CHSY3: variants seen among roughly 807,000 people sequenced by gnomAD.
The protein encoded by CHSY3 is N-acetylgalactosaminyl-proteoglycan 3-beta-glucuronosyltransferase 3.
A neutral mutation model predicts 67.2 loss-of-function variants in CHSY3; 35 were observed. The observed-to-expected ratio is 0.52, with a 90% CI of 0.40 to 0.69. CHSY3 has a LOEUF of 0.69. CHSY3 is among the 30% of genes least tolerant of loss of function. The probability of loss-of-function intolerance (pLI) is 0.00; values close to 1 mark genes in which losing one functional copy is unlikely to be tolerated. For synonymous variants in CHSY3, 474 were observed against 434.7 expected (o/e 1.09, Z -1.12); for missense variants, 1,069 against 1,138.5 (o/e 0.94, Z 0.88).
At chr5:130,148,043 G>A (rs1354049032) in intron 2 of CHSY3, among the ~76,000 whole-genome samples, 1 of 151,914 alleles carries the variant, frequency 6.6e-6, no homozygotes, top group South Asian at 2.1e-4. Context: ...TTCCCTTTAT[G>A]TGTATATGTG....
At chr5:130,099,087 A>C (rs1468303280) in intron 2 of CHSY3, among the ~76,000 whole-genome samples, 1 of 152,198 alleles carries the variant, frequency 6.6e-6, no homozygotes, top group East Asian at 1.9e-4. Context: ...CATATTGGTA[A>C]ATCAACACAT....
chr5:130,180,476 C>T (rs903064101), intron 2 of CHSY3, among the ~76,000 whole-genome samples: 2 of 152,078 alleles, frequency 1.3e-5, no homozygotes, highest in Admixed American at 1.3e-4. Context: ...TTTTCCATTG[C>T]TCCAAAAGTT....
chr5:129,912,721 C>A (rs1418765324), intron 2 of CHSY3, among the ~76,000 whole-genome samples: 1 of 152,170 alleles, frequency 6.6e-6, no homozygotes, highest in South Asian at 2.1e-4. Flanking sequence ...CAGTAGATCA[C>A]AGTTAGGCCT....
At chr5:129,911,884 G>A (rs1301293878) in intron 2 of CHSY3, among the ~76,000 whole-genome samples, 9 of 152,012 alleles carry the variant, frequency 5.9e-5, no homozygotes, top group South Asian at 2.1e-4. Flanking sequence ...GTGAAACCCC[G>A]TCTCTACTAA....
At chr5:130,061,103 A>G (rs1236463331) in intron 2 of CHSY3, among the ~76,000 whole-genome samples, 4 of 152,138 alleles carry the variant, frequency 2.6e-5, no homozygotes, top group Non-Finnish European at 5.9e-5. Flanking sequence ...TGAATAGCCA[A>G]AGCAATCCTA....
In CHSY3 at chr5:129,905,335, C is replaced by A. The variant is rs753174353; in HGVS notation, c.506C>A (p.Pro169His). The change falls in exon 1 of 3, where the codon CCC becomes CAC. Residue 169 changes from proline to histidine, a missense_variant. This residue lies in a region of CHSY3 where 309 missense variants were observed against 262.5 expected (regional missense o/e 1.18). Transcript: ENST00000305031. ...DGGAAAPSARPRDFLYVGVMT... is the reference protein window; with the variant it reads ...DGGAAAPSARHRDFLYVGVMT... ...GGCGCTGCCGCCCCGAGCGCCCGAC[C>A]CCGGGACTTCCTGTACGTGGGGGTG... 3 of 1,544,906 alleles carry A rather than the reference C, an allele frequency of 1.9e-6. No individual in the cohort carries two copies. In the East Asian group the frequency reaches 7.1e-5, roughly 37 times the overall value.
intron 2 of CHSY3, among the ~76,000 whole-genome samples, chr5:130,143,800 A>ACCAG (rs1768974956): frequency 2.5e-5 from 2 of 79,380 alleles, no homozygotes; most frequent in South Asian, 1.0e-3. Flanking sequence ...ATATATATAT[A>ACCAG]TATATGTGTG....
At chr5:130,010,660 G>T (rs1195593752) in intron 2 of CHSY3, among the ~76,000 whole-genome samples, 2 of 152,048 alleles carry the variant, frequency 1.3e-5, no homozygotes, top group Non-Finnish European at 2.9e-5. Flanking sequence ...GTGAAATGGA[G>T]TATTGAAAAG....
In CHSY3 at chr5:130,113,514, T is replaced by A. The variant is rs564289432; in HGVS notation, c.1087-70715T>A. Among the ~76,000 whole-genome samples the A allele has an allele frequency of 1.6e-3, 245 of 152,270 alleles. 2 individuals carry two copies. The highest frequency in any genetic ancestry group is 5.6e-3 in the African/African-American group (232 of 41,570). ...ATTGTGTTTGTGTTATAGACGGGAA[T>A]ACAGAATTTAAAAATATAGACGTAA... On this transcript the variant is annotated intron_variant, in intron 2 of 2. Coordinates refer to ENST00000305031, the MANE Select transcript of CHSY3 (RefSeq NM_175856.5).
At chr5:130,094,014 A>T (rs1350694001) in intron 2 of CHSY3, among the ~76,000 whole-genome samples, 1 of 152,120 alleles carries the variant, frequency 6.6e-6, no homozygotes, top group African/African-American at 2.4e-5. Context: ...CATAATGCAT[A>T]CAAAAATGCA....
chr5:129,941,662 C>T (rs1278723162), intron 2 of CHSY3, among the ~76,000 whole-genome samples: 2 of 152,150 alleles, frequency 1.3e-5, no homozygotes, highest in Non-Finnish European at 1.5e-5. Flanking sequence ...TTCCTCTAAT[C>T]TCATACTACC....
chr5:130,095,682 G>A (rs187917610), intron 2 of CHSY3, among the ~76,000 whole-genome samples: 44 of 152,276 alleles, frequency 2.9e-4, no homozygotes, highest in Non-Finnish European at 5.9e-4. Flanking sequence ...TTGCTGCAAG[G>A]CAAGATCCAC....
At chr5:129,954,932 G>A (rs189062936) in intron 2 of CHSY3, among the ~76,000 whole-genome samples, 263 of 152,190 alleles carry the variant, frequency 1.7e-3, no homozygotes, top group Non-Finnish European at 2.7e-3. Context: ...GCCGTGGCGC[G>A]ATCTTGGCTC....
intron 2 of CHSY3, among the ~76,000 whole-genome samples, chr5:130,062,510 G>A (rs566787888): frequency 4.6e-4 from 70 of 152,122 alleles, no homozygotes; most frequent in African/African-American, 1.6e-3. Context: ...CGCAATATAC[G>A]CATGTAACAA....
chr5:130,053,519 G>T (rs1377005740), intron 2 of CHSY3, among the ~76,000 whole-genome samples: 1 of 152,106 alleles, frequency 6.6e-6, no homozygotes, highest in East Asian at 1.9e-4. Context: ...TACTCTCTCA[G>T]TTCCAGAACT....
intron 2 of CHSY3, among the ~76,000 whole-genome samples, chr5:130,081,121 A>C (rs1389429805): frequency 1.3e-5 from 2 of 152,138 alleles, no homozygotes; most frequent in Admixed American, 1.3e-4. Flanking sequence ...ACAAAAATCT[A>C]TTCAGATGTG....
rs1767564340 is a variant in CHSY3 at position 130,110,641 on chromosome 5, TCTAA to T, written c.1087-73585_1087-73582del. 2.6e-5 allele frequency among the ~76,000 whole-genome samples: 4 copies of T among 152,040 alleles called. No homozygotes were observed. In the South Asian group the frequency reaches 8.3e-4, roughly 32 times the overall value. ...TGGATACTTACATGCAGGTTTTTTT[TCTAA>T]CTTAGATGAAAACTACTTCCAACTC... On this transcript the variant is annotated intron_variant, in intron 2 of 2. Transcript: ENST00000305031.
At chr5:130,052,065 C>A (rs1269117433) in intron 2 of CHSY3, 3 of 152,178 alleles carry the variant, frequency 2.0e-5, no homozygotes, top group Non-Finnish European at 4.4e-5. Flanking sequence ...CTGCATCATT[C>A]TTTTCTTTCT....
chr5:130,185,724 C>T lies in CHSY3; in HGVS notation c.2582C>T (p.Thr861Ile). The T allele has an allele frequency of 6.2e-7, 1 of 1,613,264 alleles. No individual in the cohort carries two copies. The highest frequency in any genetic ancestry group is 8.5e-7 in the Non-Finnish European group (1 of 1,179,460). The change falls in exon 3 of 3, where the codon ACC becomes ATC. Residue 861 changes from threonine (T) to isoleucine (I), a missense_variant. Thr to Ile is a moderately conservative substitution (Grantham distance 89, BLOSUM62 -1). This residue lies in a region of CHSY3 where 139 missense variants were observed against 152.8 expected (regional missense o/e 0.91). Transcript: ENST00000305031. Reference sequence around the variant, plus strand: ...TCCAAGGCAAGTACTTTCGCCTCAACCATGCAACTGGCTGAACTCTGGCTT... The same window carrying T: ...TCCAAGGCAAGTACTTTCGCCTCAATCATGCAACTGGCTGAACTCTGGCTT... ...LGSKASTFASTMQLAELWLEK... is the reference protein window; with the variant it reads ...LGSKASTFASIMQLAELWLEK...
Sources: allele counts gnomAD v4.1 joint callset (sites outside exome capture counted in the v4.1 genomes callset), GRCh38; gene constraint gnomAD v4.1.1; regional missense constraint gnomAD v4.1.1; transcripts MANE v1.5; gene names NCBI Gene and HGNC (gene_info 2026-07-23, HGNC 2026-07-21).